NREP: variants seen among roughly 807,000 people sequenced by gnomAD.
NREP encodes neuronal regeneration related protein, also known as neuronal regeneration-related protein.
NREP carries 5 observed loss-of-function variants against 8.6 expected under a neutral mutation model. That is an observed-to-expected ratio of 0.58 (90% CI 0.30 to 1.22). The LOEUF (loss-of-function observed/expected upper bound fraction) is 1.22. Ranked by LOEUF, NREP falls within the 50% of genes most tolerant of loss-of-function variation. The pLI, the probability that NREP is intolerant of heterozygous loss-of-function variation, is 0.07. For missense variants in NREP, 86 were observed against 82.5 expected, an observed-to-expected ratio of 1.04 and a Z score of -0.17; for synonymous variants, 27 against 28.0, an observed-to-expected ratio of 0.96 and a Z score of 0.11.
At chr5:111,848,756 A>C (rs1272659146) in intron 2 of NREP, among the ~76,000 whole-genome samples, 1 of 152,058 alleles carries the variant, frequency 6.6e-6, no homozygotes, top group Admixed American at 6.6e-5. Flanking sequence ...CGTAAGATGA[A>C]TGCCATGCTT....
At chr5:111,864,493 T>C (rs1171371698) in intron 2 of NREP, among the ~76,000 whole-genome samples, 2 of 152,168 alleles carry the variant, frequency 1.3e-5, no homozygotes, top group East Asian at 1.9e-4. Flanking sequence ...TTAATCTTTT[T>C]GTATATAATG....
At chr5:111,865,186 A>G (rs1753637699) in intron 2 of NREP, among the ~76,000 whole-genome samples, 1 of 152,106 alleles carries the variant, frequency 6.6e-6, no homozygotes, top group Admixed American at 6.6e-5. Flanking sequence ...AAGCAAGTAT[A>G]AGATGCAGAG....
chr5:111,910,226 G>A (rs567710749), intron 2 of NREP, among the ~76,000 whole-genome samples: 1 of 151,954 alleles, frequency 6.6e-6, no homozygotes, highest in East Asian at 1.9e-4. Context: ...TTTTCACTCT[G>A]GATACCAAAG....
At position 111,755,759 on chromosome 5, in the gene NREP, C is replaced by T. The variant is rs1186161621; in HGVS notation, c.3+11G>A. 6.2e-7 allele frequency: 1 copy of T among 1,613,738 alleles called. No homozygotes were observed. The highest frequency in any genetic ancestry group is 2.2e-5 in the East Asian group (1 of 44,872). On this transcript the variant is annotated intron_variant, in intron 2 of 3. Coordinates refer to ENST00000257435, the MANE Select transcript of NREP (RefSeq NM_004772.4). ...AAGTACTGAGAATCTCCTCTGATGACCAAGTCTTACCATTTTGAGAATCTT... is the reference window on the plus strand; with the variant it reads ...AAGTACTGAGAATCTCCTCTGATGATCAAGTCTTACCATTTTGAGAATCTT...
chr5:111,975,837 AC>A (rs1047701264), intron 1 of NREP, among the ~76,000 whole-genome samples: 8 of 152,204 alleles, frequency 5.3e-5, no homozygotes, highest in African/African-American at 1.7e-4. Context: ...AGTTAATTTC[AC>A]CTGCAATTAT....
intron 2 of NREP, among the ~76,000 whole-genome samples, chr5:111,866,474 G>A (rs144103120): frequency 0.05 from 7,631 of 152,098 alleles, 470 homozygotes; most frequent in East Asian, 0.23. Context: ...TTAGAATGCC[G>A]ATCATTAAAA....
At chr5:111,804,386 C>T (rs1415488271) in intron 2 of NREP, among the ~76,000 whole-genome samples, 1 of 152,050 alleles carries the variant, frequency 6.6e-6, no homozygotes, top group African/African-American at 2.4e-5. Context: ...CATCAGTGAT[C>T]GCAATCTTAA....
At chr5:111,757,719 G>A (rs1750823063), upstream of NREP, 35 of 984,496 alleles carry the variant, frequency 3.6e-5, no homozygotes, top group Non-Finnish European at 4.1e-5. Context: ...GCAGCTCTGC[G>A]CCCCGGCCCC....
intron 2 of NREP, among the ~76,000 whole-genome samples, chr5:111,965,590 C>T (rs1180150947): frequency 6.6e-6 from 1 of 152,152 alleles, no homozygotes; most frequent in African/African-American, 2.4e-5. Flanking sequence ...TATATCCCAC[C>T]CATCTCCCCT....
intron 2 of NREP, among the ~76,000 whole-genome samples, chr5:111,776,317 A>G (rs1380645935): frequency 6.6e-6 from 1 of 152,322 alleles, no homozygotes; most frequent in South Asian, 2.1e-4. Flanking sequence ...AGAGTGGGCT[A>G]GTTTAAATAC....
chr5:111,788,182 G>T (rs1368629224), intron 2 of NREP, among the ~76,000 whole-genome samples: 1 of 152,332 alleles, frequency 6.6e-6, no homozygotes, highest in Middle Eastern at 3.4e-3. Context: ...CCAGTGGATT[G>T]TAATGCAACC....
At chr5:111,817,808 A>AC in intron 2 of NREP, among the ~76,000 whole-genome samples, 1 of 150,736 alleles carries the variant, frequency 6.6e-6, no homozygotes, top group East Asian at 1.9e-4. Flanking sequence ...TCATCTCAAA[A>AC]AAAAAAAAAA....
intron 2 of NREP, among the ~76,000 whole-genome samples, chr5:111,853,196 T>C (rs969093310): frequency 6.6e-6 from 1 of 152,010 alleles, no homozygotes; most frequent in Admixed American, 6.6e-5. Context: ...CAAAACTATA[T>C]AGACAGTAGA....
chr5:111,927,329 A>G (rs939741684), intron 2 of NREP, among the ~76,000 whole-genome samples: 2 of 152,130 alleles, frequency 1.3e-5, no homozygotes, highest in African/African-American at 2.4e-5. Flanking sequence ...AAAATGGGAA[A>G]ATTTCCAAAC....
At chr5:111,782,791 C>A (rs1751523149) in intron 2 of NREP, among the ~76,000 whole-genome samples, 2 of 151,552 alleles carry the variant, frequency 1.3e-5, no homozygotes, top group Admixed American at 6.6e-5. Flanking sequence ...CTGGAAGGCA[C>A]TGGCATGATC....
At chr5:111,927,821 C>T (rs1581226316) in intron 2 of NREP, among the ~76,000 whole-genome samples, 1 of 152,138 alleles carries the variant, frequency 6.6e-6, no homozygotes, top group Non-Finnish European at 1.5e-5. Flanking sequence ...TTGGGAAAGG[C>T]AGAGGCCACA....
At position 111,950,048 on chromosome 5, in the gene NREP, C is replaced by A. The variant is rs181950921; in HGVS notation, c.135+25226G>T. ...TTGAACTAATTTACACTCCCACCAA[C>A]AGTGTAAAAGAGCTCCTTTTCGTCC... is the stretch of plus-strand genomic sequence containing the variant. On this transcript the variant is annotated intron_variant, in intron 2 of 3. Transcript: ENST00000395634. Among the ~76,000 whole-genome samples, 261 of 152,194 alleles carry A rather than the reference C, an allele frequency of 1.7e-3. 2 individuals are homozygous for A. Among genetic ancestry groups the A allele is most frequent in the African/African-American group, 5.7e-3 (237 of 41,530 alleles).
chr5:111,887,474 T>C (rs1233595121), intron 2 of NREP, among the ~76,000 whole-genome samples: 1 of 152,194 alleles, frequency 6.6e-6, no homozygotes. Flanking sequence ...CTTCCATGAC[T>C]CTCAGTGAGA....
intron 2 of NREP, among the ~76,000 whole-genome samples, chr5:111,823,250 G>A (rs1752550025): frequency 6.6e-6 from 1 of 152,144 alleles, no homozygotes. Context: ...CTATTCATGA[G>A]AGATACAACC....
Sources: gnomAD v4.1 joint callset for allele counts (sites outside exome capture counted in the v4.1 genomes callset) on GRCh38, gnomAD v4.1.1 for gene constraint, MANE v1.5 for transcripts, NCBI Gene and HGNC (gene_info 2026-07-23, HGNC 2026-07-21) for gene names.